The following RNF169 variants were observed in gnomAD, a reference collection of about 807,000 sequenced individuals.
RNF169 encodes ring finger protein 169.
A neutral mutation model predicts 53.9 loss-of-function variants in RNF169; 24 were observed. The observed-to-expected ratio is 0.45, with a 90% CI of 0.32 to 0.63. RNF169 has a LOEUF of 0.63. Ranked by LOEUF, RNF169 falls within the 20% of genes least tolerant of loss-of-function variation. The pLI is 0.04. For synonymous variants in RNF169, 396 were observed against 363.5 expected (o/e 1.09, Z -1.02); for missense variants, 883 against 906.2 (o/e 0.97, Z 0.33).
At chr11:74,774,388 A>C (rs1303708) in intron 1 of RNF169, among the ~76,000 whole-genome samples, 7 of 151,976 alleles carry the variant, frequency 4.6e-5, no homozygotes, top group South Asian at 2.1e-4. Flanking sequence ...ACAAAAAAAA[A>C]CCTGAAGCTG....
At chr11:74,765,138 G>A (rs2035152322) in intron 1 of RNF169, among the ~76,000 whole-genome samples, 1 of 151,996 alleles carries the variant, frequency 6.6e-6, no homozygotes, top group Admixed American at 6.6e-5. Flanking sequence ...GAGCCCAGGA[G>A]GTCAAGACTG....
chr11:74,760,804 AG>A (rs1303735131), intron 1 of RNF169, among the ~76,000 whole-genome samples: 2 of 116,360 alleles, frequency 1.7e-5, no homozygotes, highest in Non-Finnish European at 3.5e-5. Context: ...TGGGGTGGAG[AG>A]TTCTGTAGAT....
Position 74,835,911 on chromosome 11 carries a change from G to A in RNF169, c.1308G>A (p.Gln436=), listed in dbSNP as rs2036247618. The A allele has an allele frequency of 6.2e-7, 1 of 1,614,040 alleles. No homozygotes were observed. ...ASPRILKKWE[Q]IFQERQIKKT... is the part of the protein sequence containing the mutation. ...CACGGATCCTCAAAAAGTGGGAACA[G>A]ATCTTTCAGGAGCGGCAGATCAAAA... Residue 436 remains glutamine, a synonymous_variant, in exon 6 of 6, where the codon CAG becomes CAA. Transcript: ENST00000299563.
chr11:74,755,774 G>C (rs1179940667), intron 1 of RNF169, among the ~76,000 whole-genome samples: 2 of 152,212 alleles, frequency 1.3e-5, no homozygotes, highest in African/African-American at 4.8e-5. Context: ...AAGGCTTGAA[G>C]GTGCTTGGGA....
chr11:74,793,856 T>C (rs2035611973), intron 2 of RNF169, among the ~76,000 whole-genome samples: 1 of 152,242 alleles, frequency 6.6e-6, no homozygotes, highest in South Asian at 2.1e-4. Context: ...CCTTTTTACC[T>C]TTCTTCCCAC....
chr11:74,766,963 A>G (rs1338074254), intron 1 of RNF169, among the ~76,000 whole-genome samples: 1 of 151,830 alleles, frequency 6.6e-6, no homozygotes, highest in African/African-American at 2.4e-5. Context: ...AGTACAGGCC[A>G]CTCTCATGAA....
chr11:74,797,372 TTTC>T (rs1251030040), intron 2 of RNF169, among the ~76,000 whole-genome samples: 1 of 152,238 alleles, frequency 6.6e-6, no homozygotes, highest in African/African-American at 2.4e-5. Context: ...AGCTGGCCTT[TTTC>T]TTATTTTTAT....
chr11:74,783,403 T>TA (rs1276832836), intron 1 of RNF169, among the ~76,000 whole-genome samples: 1 of 152,206 alleles, frequency 6.6e-6, no homozygotes, highest in African/African-American at 2.4e-5. Context: ...ATCATATCCT[T>TA]AGAGCGTTGC....
At chr11:74,823,455 G>A (rs1405933507) in intron 4 of RNF169, among the ~76,000 whole-genome samples, 1 of 152,146 alleles carries the variant, frequency 6.6e-6, no homozygotes, top group Non-Finnish European at 1.5e-5. Flanking sequence ...AATGCACGTG[G>A]CTGAGTTTGG....
At chr11:74,754,647 C>A (rs1487322265) in intron 1 of RNF169, among the ~76,000 whole-genome samples, 1 of 152,072 alleles carries the variant, frequency 6.6e-6, no homozygotes, top group East Asian at 1.9e-4. Flanking sequence ...ATGGGGAAAC[C>A]CTGTCTTTAC....
At chr11:74,822,194 G>T (rs551042824) in intron 4 of RNF169, among the ~76,000 whole-genome samples, 68 of 152,238 alleles carry the variant, frequency 4.5e-4, no homozygotes, top group South Asian at 8.3e-4. Flanking sequence ...GCGTAGGTAT[G>T]TAAGAGACAG....
chr11:74,749,901 T>C (rs145786698), intron 1 of RNF169, among the ~76,000 whole-genome samples: 3 of 152,288 alleles, frequency 2.0e-5, no homozygotes, highest in East Asian at 1.9e-4. Context: ...TGCAGTTGTT[T>C]TCATACATTT....
At chr11:74,833,964 GTCAAAATGATAAAAC>G (rs1197413860) in intron 4 of RNF169, among the ~76,000 whole-genome samples, 1 of 152,094 alleles carries the variant, frequency 6.6e-6, no homozygotes, top group Non-Finnish European at 1.5e-5. Context: ...AAACTTAAGA[GTCAAAATGATAAAAC>G]TCTTAGAAGA....
chr11:74,780,841 G>C (rs1273024025), intron 1 of RNF169, among the ~76,000 whole-genome samples: 1 of 152,208 alleles, frequency 6.6e-6, no homozygotes, highest in Admixed American at 6.5e-5. Context: ...TGAGAGTGCA[G>C]CTATTAAGAG....
At chr11:74,753,142 A>G (rs1311972294) in intron 1 of RNF169, among the ~76,000 whole-genome samples, 1 of 151,910 alleles carries the variant, frequency 6.6e-6, no homozygotes, top group East Asian at 1.9e-4. Flanking sequence ...CTAATTTTGT[A>G]TTTTTAGTAG....
chr11:74,749,498 G>C (rs1000021411), intron 1 of RNF169, 116 bp downstream of exon 1: 2 of 901,702 alleles, frequency 2.2e-6, no homozygotes, highest in African/African-American at 3.5e-5. Context: ...GAGAGTTCTC[G>C]TGGGATTAGA....
chr11:74,778,037 C>G (rs187943427), intron 1 of RNF169, among the ~76,000 whole-genome samples: 5 of 152,250 alleles, frequency 3.3e-5, no homozygotes, highest in African/African-American at 7.2e-5. Flanking sequence ...TCCTTCCCAG[C>G]CCTGTTCTCT....
chr11:74,825,187 A>T (rs764832385), intron 4 of RNF169, among the ~76,000 whole-genome samples: 3 of 152,238 alleles, frequency 2.0e-5, no homozygotes, highest in Non-Finnish European at 4.4e-5. Flanking sequence ...ACATTCTCCA[A>T]TATAGACTGT....
chr11:74,834,822 C>A, intron 5 of RNF169, 47 bp downstream of exon 5: 1 of 1,279,562 alleles, frequency 7.8e-7, no homozygotes, highest in Non-Finnish European at 1.1e-6. Flanking sequence ...CTTGCCCCAT[C>A]ACCCCCTCTG....
Sources: gnomAD v4.1 joint callset for allele counts (sites outside exome capture counted in the v4.1 genomes callset) on GRCh38, gnomAD v4.1.1 for gene constraint, MANE v1.5 for transcripts, NCBI Gene and HGNC (gene_info 2026-07-23, HGNC 2026-07-21) for gene names.